IRS2: variants seen among roughly 807,000 people sequenced by gnomAD.
IRS2 encodes the protein insulin receptor substrate 2.
Under a neutral mutation model 70.9 loss-of-function variants are expected in IRS2, and 28 were observed. The ratio of observed to expected loss-of-function variants is 0.39; its 90% CI spans 0.29 to 0.54. The LOEUF (loss-of-function observed/expected upper bound fraction) is 0.54, where lower values mean the gene tolerates loss of function less well. Among genes scored for constraint, IRS2 ranks in the 20% least tolerant of loss-of-function variants. The pLI, the probability that IRS2 is intolerant of heterozygous loss-of-function variation, is 0.59. For synonymous variants in IRS2, 1,217 were observed against 981.9 expected (o/e 1.24, Z -4.48); for missense variants, 2,081 against 2,024.1 (o/e 1.03, Z -0.54).
rs932265295 is a variant in IRS2 at position 109,755,704 on chromosome 13, C to G, written c.*600G>C. 1 of 204,774 alleles carries G rather than the reference C, an allele frequency of 4.9e-6. No individual in the cohort carries two copies. The highest frequency in any genetic ancestry group is 1.9e-4 in the South Asian group (1 of 5,340). The allele number at this position is 204,774 out of a possible 1,614,324, so 12.7% of individuals were successfully genotyped here. ...GTGTGGACGTAAACATCGCAGGTACCTGCACTGGAATCCAACAAGCAGCTG... is the reference window on the plus strand; with the variant it reads ...GTGTGGACGTAAACATCGCAGGTACGTGCACTGGAATCCAACAAGCAGCTG... On this transcript the variant is annotated 3_prime_UTR_variant, in exon 2 of 2. Transcript: ENST00000375856.
intron 1 of IRS2, among the ~76,000 whole-genome samples, chr13:109,774,736 C>G (rs1877533080): frequency 6.6e-6 from 1 of 152,120 alleles, no homozygotes; most frequent in African/African-American, 2.4e-5. Context: ...GAATGGGGTT[C>G]ATGGTGGTTC....
At chr13:109,765,387 C>A (rs1877312726) in intron 1 of IRS2, among the ~76,000 whole-genome samples, 1 of 152,168 alleles carries the variant, frequency 6.6e-6, no homozygotes, top group African/African-American at 2.4e-5. Flanking sequence ...AAATCCACAT[C>A]TTTGGCTCCT....
rs939552792 is a variant in IRS2 at position 109,786,178 on chromosome 13, C to T, written c.-125G>A. The T allele has an allele frequency of 6.5e-6, 3 of 459,452 alleles. No individual in the cohort carries two copies. Among genetic ancestry groups the T allele is most frequent in the African/African-American group, 6.4e-5 (3 of 46,870 alleles). The allele number at this position is 459,452 out of a possible 1,614,324, so 28.5% of individuals were successfully genotyped here. On this transcript the variant is annotated 5_prime_UTR_variant, in exon 1 of 2. Transcript: ENST00000375856. This position sits in a 1 kb window ranked among gnomAD's most constrained non-coding sequence, Gnocchi z 4.4. ...CCCGGCCGCCCGCCCGATCACGCGT[C>T]CCTCGGGCCCAGGCGGTGGGGAAGG...
rs749518014 is a variant in IRS2 at position 109,784,030 on chromosome 13, T to C, written c.2024A>G (p.Tyr675Cys). Residue 675 changes from tyrosine to cysteine, a missense_variant, in exon 1 of 2, where the codon TAC becomes TGC. Physicochemically the swap from Tyr to Cys is radical, Grantham distance 194 (BLOSUM62 -2). This residue lies in a region of IRS2 where 1,615 missense variants were observed against 1,459.5 expected (regional missense o/e 1.11). Coordinates refer to ENST00000375856, the MANE Select transcript of IRS2 (RefSeq NM_003749.3). This position sits in a 1 kb window ranked among gnomAD's most constrained non-coding sequence, Gnocchi z 5.2. ...SGSGSCRSDDYMPMSPASVSA... is the reference protein window; with the variant it reads ...SGSGSCRSDDCMPMSPASVSA... ...CACGCTGGCGGGGCTCATGGGCATG[T>C]AGTCGTCGCTCCTGCAGCTGCCGCT... The C allele has an allele frequency of 1.3e-6, 2 of 1,540,056 alleles. No homozygotes were observed. Among genetic ancestry groups the C allele is most frequent in the South Asian group, 1.2e-5 (1 of 84,398 alleles).
At chr13:109,763,241 A>C (rs1877264432) in intron 1 of IRS2, among the ~76,000 whole-genome samples, 1 of 152,248 alleles carries the variant, frequency 6.6e-6, no homozygotes, top group Admixed American at 6.5e-5. Context: ...TCTGTGTGTT[A>C]TACTGGGAAA....
Position 109,783,462 on chromosome 13 carries a change from A to G in IRS2, c.2592T>C (p.Pro864=). 1 of 1,539,170 alleles carries G rather than the reference A, an allele frequency of 6.5e-7. No individual in the cohort carries two copies. Among genetic ancestry groups the G allele is most frequent in the Admixed American group, 2.0e-5 (1 of 50,788 alleles). ...TAGGCCGCACGGGCGAAGGCACTACAGGGTGAGGGGGCTGCGTGGGGCCGG... is the reference window on the plus strand; with the variant it reads ...TAGGCCGCACGGGCGAAGGCACTACGGGGTGAGGGGGCTGCGTGGGGCCGG... ...FGAGPTQPPH[P]VVPSPVRPSG... Residue 864 remains proline (P), a synonymous_variant, in exon 1 of 2, where the codon CCT becomes CCC. Coordinates refer to ENST00000375856, the MANE Select transcript of IRS2 (RefSeq NM_003749.3).
chr13:109,785,475 G>C lies in IRS2; in HGVS notation c.579C>G (p.Ala193=). 3 of 1,611,806 alleles carry C rather than the reference G, an allele frequency of 1.9e-6. No individual in the cohort carries two copies. The highest frequency in any genetic ancestry group is 2.5e-6 in the Non-Finnish European group (3 of 1,179,672). ...SYGLVAPATA[A]YREVWQVNLK... is the part of the protein sequence containing the mutation. ...GGTTCACCTGCCACACCTCACGGTA[G>C]GCGGCCGTGGCGGGAGCCACCAGCC... Residue 193 remains alanine, a synonymous_variant, in exon 1 of 2, where the codon GCC becomes GCG. Coordinates refer to ENST00000375856, the MANE Select transcript of IRS2 (RefSeq NM_003749.3). The surrounding 1 kb of genome is among the most constrained non-coding windows in gnomAD (Gnocchi z 9.3).
At position 109,764,157 on chromosome 13, in the gene IRS2, C is replaced by T. The variant is rs796661163; in HGVS notation, c.4013-7849G>A. Among the ~76,000 whole-genome samples the T allele has an allele frequency of 2.4e-4, 37 of 152,206 alleles. 1 individual carries two copies. Among genetic ancestry groups the T allele is most frequent in the African/African-American group, 1.9e-4 (8 of 41,438 alleles). ...GATCAAAGTGCCCATTCTTCCTAAT[C>T]GGCCATATCAAAAACATCCTGCTCT... On this transcript the variant is annotated intron_variant, in intron 1 of 1. Coordinates refer to ENST00000375856, the MANE Select transcript of IRS2 (RefSeq NM_003749.3).
chr13:109,759,777 C>CA (rs1360712295), intron 1 of IRS2, among the ~76,000 whole-genome samples: 2 of 152,074 alleles, frequency 1.3e-5, no homozygotes, highest in Non-Finnish European at 2.9e-5. Context: ...GTAGTTCACA[C>CA]ACAGCTTTCA....
rs1566411919 is a variant in IRS2, at chr13:109,782,239, G to GGCGGCGGCT, written c.3806_3814dup (p.Gln1269_Pro1271dup). 6.2e-7 allele frequency: 1 copy of GGCGGCGGCT among 1,607,784 alleles called. No individual in the cohort carries two copies. The highest frequency in any genetic ancestry group is 2.2e-5 in the East Asian group (1 of 44,704). ...GTCTCCCGGCTGAGGAAGCGGCGGC[G>GGCGGCGGCT]GCGGCGGCTGCGGCTGGGGTGGCAG... On this transcript the variant is annotated inframe_insertion, in exon 1 of 2. Transcript: ENST00000375856.
rs992825105 is a variant in IRS2, at chr13:109,782,890, C to T, written c.3164G>A (p.Gly1055Asp). ...PPASAVATAQ[G>D]PGAASSLSSD... ...GGACAACGATGAGGCGGCGCCCGGG[C>T]CCTGGGCGGTGGCAACGGCCGAGGC... Residue 1055 changes from glycine to aspartate, a missense_variant, in exon 1 of 2, where the codon GGC (glycine) becomes GAC (aspartate). Gly to Asp is a moderately conservative substitution (Grantham distance 94). Around this residue, in one of 4 missense-constraint regions of IRS2, gnomAD observed 1,615 missense variants for 1,459.5 expected, o/e 1.11. Transcript: ENST00000375856. 2 of 1,558,302 alleles carry T rather than the reference C, an allele frequency of 1.3e-6. No homozygotes were observed. The highest frequency in any genetic ancestry group is 1.2e-5 in the South Asian group (1 of 84,990).
chr13:109,784,615 C>G lies in IRS2; in HGVS notation c.1439G>C (p.Arg480Pro). 7.5e-7 allele frequency: 1 copy of G among 1,340,440 alleles called. No individual in the cohort carries two copies. Among genetic ancestry groups the G allele is most frequent in the Non-Finnish European group, 9.5e-7 (1 of 1,051,426 alleles). The allele number at this position is 1,340,440 out of a possible 1,614,324, so 83.0% of individuals were successfully genotyped here. The part of the protein sequence containing the change: ...PHPLHHGPGQ[R>P]PSSGSASASG... ...GGCGGAGGCGCTGCCGCTGGAGGGC[C>G]GCTGGCCGGGGCCGTGGTGCAGCGG... Residue 480 changes from arginine (R) to proline (P), a missense_variant, in exon 1 of 2, where the codon CGG (arginine) becomes CCG (proline). Coordinates refer to ENST00000375856, the MANE Select transcript of IRS2 (RefSeq NM_003749.3). This position sits in a 1 kb window ranked among gnomAD's most constrained non-coding sequence, Gnocchi z 5.2.
At position 109,784,973 on chromosome 13, in the gene IRS2, C is replaced by A; in HGVS notation, c.1081G>T (p.Val361Leu). Residue 361 changes from valine (V) to leucine (L), a missense_variant, in exon 1 of 2, where the codon GTG (valine) becomes TTG (leucine). Val to Leu is a conservative substitution (Grantham distance 32). This residue lies in a region of IRS2 where 111 missense variants were observed against 133.1 expected (regional missense o/e 0.83). Transcript: ENST00000375856. This position sits in a 1 kb window ranked among gnomAD's most constrained non-coding sequence, Gnocchi z 5.2. ...CCGTCGCCCTCGCTGGCGGTGCGCA[C>A]CCGGCACGAGCTGCACTTGGCCGCC... The part of the protein sequence containing the change: ...PPAAKCSSCR[V>L]RTASEGDGGA... 8.1e-7 allele frequency: 1 copy of A among 1,240,818 alleles called. No individual in the cohort carries two copies. The highest frequency in any genetic ancestry group is 1.0e-6 in the Non-Finnish European group (1 of 992,276). 76.9% of individuals were successfully genotyped at this position (1,240,818 alleles called of 1,614,324 possible).
rs149532313 is a variant in IRS2 at position 109,759,094 on chromosome 13, C to T, written c.4013-2786G>A. 2.4e-3 allele frequency among the ~76,000 whole-genome samples: 364 copies of T among 152,312 alleles called. 1 individual carries two copies. The highest frequency in any genetic ancestry group is 8.1e-3 in the African/African-American group (338 of 41,562). On this transcript the variant is annotated intron_variant, in intron 1 of 1. Coordinates refer to ENST00000375856, the MANE Select transcript of IRS2 (RefSeq NM_003749.3). ...AGGCATGGGGGTGTCAGCTGTGCAG[C>T]GTTTCACACACATCTACATGCACAC... is the stretch of plus-strand genomic sequence containing the variant.
chr13:109,756,603 G>A (rs901475716), intron 1 of IRS2, among the ~76,000 whole-genome samples: 9 of 152,152 alleles, frequency 5.9e-5, no homozygotes, highest in East Asian at 5.8e-4. Context: ...TCATTCTGTC[G>A]AACAAGATAG....
rs1877761667 is a variant in IRS2, at chr13:109,782,925, G to A, written c.3129C>T (p.Arg1043=). The A allele has an allele frequency of 1.9e-6, 3 of 1,539,528 alleles. No homozygotes were observed. The highest frequency in any genetic ancestry group is 2.8e-5 in the African/African-American group (2 of 71,392). Reference sequence around the variant, plus strand: ...TGGCAACGGCCGAGGCGGGGGGCAGGCGGTACAGCTCCCCCGGGGCCGGCG... The same window carrying A: ...TGGCAACGGCCGAGGCGGGGGGCAGACGGTACAGCTCCCCCGGGGCCGGCG... The part of the protein sequence containing the change: ...PPPPAPGELY[R]LPPASAVATA... The change falls in exon 1 of 2, where the codon CGC becomes CGT. Residue 1043 remains arginine (R), a synonymous_variant. Transcript: ENST00000375856.
intron 1 of IRS2, among the ~76,000 whole-genome samples, chr13:109,761,470 G>A (rs4771644): frequency 0.39 from 59,824 of 151,700 alleles, 12,711 homozygotes; most frequent in Middle Eastern, 0.54. Flanking sequence ...AGCCTTTTAT[G>A]TTAAACACAG....
intron 1 of IRS2, among the ~76,000 whole-genome samples, chr13:109,763,802 T>C (rs903451116): frequency 6.6e-6 from 1 of 152,268 alleles, no homozygotes; most frequent in Non-Finnish European, 1.5e-5. Context: ...TAAAACCTAA[T>C]TATATTTTTG....
At position 109,783,978 on chromosome 13, in the gene IRS2, G is replaced by A. The variant is rs754902638; in HGVS notation, c.2076C>T (p.Pro692=). Residue 692 remains proline, a synonymous_variant, in exon 1 of 2, where the codon CCC becomes CCT. Coordinates refer to ENST00000375856, the MANE Select transcript of IRS2 (RefSeq NM_003749.3). ...CGGCGGCGGCGGCGGCGGCGGCCCT[G>A]GGCTGCAAGATCTGCTTGGGGGCGG... is the stretch of plus-strand genomic sequence containing the variant. ...SVSAPKQILQ[P]RAAAAAAAAV... 1.0e-5 allele frequency: 16 copies of A among 1,527,696 alleles called. 1 individual carries two copies. Among genetic ancestry groups the A allele is most frequent in the East Asian group, 9.9e-5 (4 of 40,410 alleles). 94.6% of individuals were successfully genotyped at this position (1,527,696 alleles called of 1,614,324 possible).
Sources: gnomAD v4.1 joint callset for allele counts (sites outside exome capture counted in the v4.1 genomes callset) on GRCh38, gnomAD v4.1.1 for gene constraint, gnomAD v4.1.1 regional missense constraint, Gnocchi (gnomAD v3.1) non-coding constraint, MANE v1.5 for transcripts, NCBI Gene and HGNC (gene_info 2026-07-23, HGNC 2026-07-21) for gene names.